OGDHL: variants seen among roughly 807,000 people sequenced by gnomAD.
The protein encoded by OGDHL is 2-oxoglutarate dehydrogenase-like, mitochondrial.
OGDHL carries 79 observed loss-of-function variants against 109.6 expected under a neutral mutation model. That is an observed-to-expected ratio of 0.72 (90% CI 0.60 to 0.87). The LOEUF is 0.87. Among genes scored for constraint, OGDHL ranks in the 40% least tolerant of loss-of-function variants. The probability of loss-of-function intolerance (pLI) is 0.00; values close to 1 mark genes in which losing one functional copy is unlikely to be tolerated. For missense variants in OGDHL, 1,275 were observed against 1,362.2 expected (o/e 0.94, Z 1.01); for synonymous variants, 528 against 537.2 (o/e 0.98, Z 0.24).
At chr10:49,753,485 G>GACATAATA (rs1233235463) in intron 3 of OGDHL, among the ~76,000 whole-genome samples, 1 of 152,164 alleles carries the variant, frequency 6.6e-6, no homozygotes, top group Non-Finnish European at 1.5e-5. Context: ...CCACTTAGTG[G>GACATAATA]CATAAATACA....
chr10:49,749,949 C>A, intron 7 of OGDHL, 133 bp from the exon 8 acceptor site: 1 of 685,224 alleles, frequency 1.5e-6, no homozygotes, highest in Non-Finnish European at 2.5e-6. Context: ...CACCCAATCA[C>A]CAGGCACCAT....
chr10:49,744,784 C>T (rs758187489), intron 12 of OGDHL, 32 bp from the exon 13 acceptor site: 2 of 1,579,196 alleles, frequency 1.3e-6, no homozygotes, highest in East Asian at 4.5e-5. Flanking sequence ...GGACAGAGCA[C>T]CAAAGCCCTG....
At chr10:49,742,155 TCA>T (rs1208615648) in intron 15 of OGDHL, among the ~76,000 whole-genome samples, 32 of 98,436 alleles carry the variant, frequency 3.3e-4, no homozygotes, top group South Asian at 1.1e-3. Context: ...TACACACACA[TCA>T]CACACACCAT....
intron 15 of OGDHL, among the ~76,000 whole-genome samples, chr10:49,741,738 CAT>C: frequency 6.8e-6 from 1 of 147,190 alleles, no homozygotes; most frequent in East Asian, 2.0e-4. Flanking sequence ...CACACACATA[CAT>C]ACACACACCA....
Position 49,750,843 on chromosome 10 carries a change from G to T in OGDHL, c.892C>A (p.His298Asn). The T allele has an allele frequency of 1.2e-6, 2 of 1,609,636 alleles. No homozygotes were observed. Among genetic ancestry groups the T allele is most frequent in the Non-Finnish European group, 1.7e-6 (2 of 1,177,858 alleles). Residue 298 changes from histidine to asparagine, a missense_variant, in exon 7 of 23, where the codon CAC (histidine) becomes AAC (asparagine). By Grantham distance (68) the His-to-Asn change is moderately conservative. Coordinates refer to ENST00000374103, the MANE Select transcript of OGDHL (RefSeq NM_018245.3). ...ACAGCAGGGAGGGGGACCCACCTGTGTGGCATCCCCAAGATGACATTCTCA... is the reference window on the plus strand; with the variant it reads ...ACAGCAGGGAGGGGGACCCACCTGTTTGGCATCCCCAAGATGACATTCTCA... ...GIENVILGMP[H>N]RGRLNVLANV...
chr10:49,758,380 G>T lies in OGDHL; in HGVS notation c.204+9C>A. On this transcript the variant is annotated intron_variant, in intron 2 of 22. Coordinates refer to ENST00000374103, the MANE Select transcript of OGDHL (RefSeq NM_018245.3). ...TTGCGGTGGCCCAGGGTAGGGTGGGGATGCTGACCTTGTGGACACTCTGGG... is the reference window on the plus strand; with the variant it reads ...TTGCGGTGGCCCAGGGTAGGGTGGGTATGCTGACCTTGTGGACACTCTGGG... 1 of 1,602,708 alleles carries T rather than the reference G, an allele frequency of 6.2e-7. No individual in the cohort carries two copies. The highest frequency in any genetic ancestry group is 1.1e-5 in the South Asian group (1 of 89,790).
In OGDHL at chr10:49,739,520, AC is replaced by A. The variant is rs537599014; in HGVS notation, c.2319+140del. ...GCAGCTGCAGCATGCACATGTGCAGACCCCACCCTGCACAGACCCACGTGCT... is the reference window on the plus strand; with the variant it reads ...GCAGCTGCAGCATGCACATGTGCAGACCCACCCTGCACAGACCCACGTGCT... On this transcript the variant is annotated intron_variant, in intron 17 of 22. Coordinates refer to ENST00000374103, the MANE Select transcript of OGDHL (RefSeq NM_018245.3). 8.1e-4 allele frequency: 781 copies of A among 960,420 alleles called. 5 individuals are homozygous for A. Among genetic ancestry groups the A allele is most frequent in the African/African-American group, 3.8e-3 (229 of 60,916 alleles). The allele number at this position is 960,420 out of a possible 1,614,324, so 59.5% of individuals were successfully genotyped here.
chr10:49,753,834 G>A (rs1315084534), intron 3 of OGDHL, among the ~76,000 whole-genome samples: 12 of 149,898 alleles, frequency 8.0e-5, no homozygotes, highest in Admixed American at 1.3e-4. Context: ...AGGCTGCAGT[G>A]AGCTGAGGTC....
At position 49,746,009 on chromosome 10, in the gene OGDHL, T is replaced by C. The variant is rs376311703; in HGVS notation, c.1297-32A>G. On this transcript the variant is annotated intron_variant, in intron 10 of 22. Coordinates refer to ENST00000374103, the MANE Select transcript of OGDHL (RefSeq NM_018245.3). The stretch of plus-strand genomic sequence containing the variant: ...AGGCAGGAGAAACCTGCTGCGCCTC[T>C]CAATTTACTTAGAGTGAGATAGAAG... 129 of 1,607,612 alleles carry C rather than the reference T, an allele frequency of 8.0e-5. No individual in the cohort carries two copies. The Middle Eastern group carries it at 1.3e-3, about 16-fold the overall frequency.
At chr10:49,738,370 G>T in intron 17 of OGDHL, 108 bp from the exon 18 acceptor site, 1 of 1,142,992 alleles carries the variant, frequency 8.7e-7, no homozygotes, top group Non-Finnish European at 1.3e-6. Context: ...TCTCAGCAGA[G>T]GTGCCCTCAC....
intron 3 of OGDHL, among the ~76,000 whole-genome samples, chr10:49,753,888 TAA>T (rs63200161): frequency 0.23 from 19,916 of 86,638 alleles, 1,653 homozygotes; most frequent in African/African-American, 0.33. Context: ...AAACTCCATC[TAA>T]AAAAAAAAAA....
chr10:49,748,572 G>A (rs980884539), intron 8 of OGDHL, among the ~76,000 whole-genome samples: 13 of 152,088 alleles, frequency 8.5e-5, no homozygotes, highest in Non-Finnish European at 1.6e-4. Flanking sequence ...CTTTGGCCAA[G>A]TTTTCCACTA....
chr10:49,747,321 G>A (rs1426580758), intron 8 of OGDHL, 113 bp from the exon 9 acceptor site: 3 of 1,106,456 alleles, frequency 2.7e-6, no homozygotes, highest in East Asian at 5.0e-5. Context: ...CGATCCCACT[G>A]CCTCAGAGGG....
intron 14 of OGDHL, 123 bp from the exon 15 acceptor site, chr10:49,743,101 G>GGGATGCTGCAGGAGGGCCC (rs1564533979): frequency 3.8e-6 from 5 of 1,305,828 alleles, no homozygotes; most frequent in Non-Finnish European, 5.2e-6. Context: ...TTGGAGGGCA[G>GGGATGCTGCAGGAGGGCCC]GGATGCTGCA....
At chr10:49,737,018 C>T (rs1440116588) in intron 20 of OGDHL, among the ~76,000 whole-genome samples, 2 of 152,162 alleles carry the variant, frequency 1.3e-5, no homozygotes, top group African/African-American at 4.8e-5. Flanking sequence ...CCCCAGGTCA[C>T]GCACACTGCA....
At position 49,743,713 on chromosome 10, in the gene OGDHL, C is replaced by A. The variant is rs182804894; in HGVS notation, c.1861+281G>T. 4.2e-4 allele frequency: 120 copies of A among 287,680 alleles called. 1 individual carries two copies. The highest frequency in any genetic ancestry group is 2.5e-3 in the African/African-American group (116 of 46,016). 17.8% of individuals were successfully genotyped at this position (287,680 alleles called of 1,614,324 possible). A position where few individuals can be genotyped will look rare whatever the true frequency, so the allele number is the denominator to read the frequency against. ...TGCTCTTCTGCCTGACCCAGGGACG[C>A]CCCGGCAAAGGCATTTGGAAAATCC... On this transcript the variant is annotated intron_variant, in intron 14 of 22. Coordinates refer to ENST00000374103, the MANE Select transcript of OGDHL (RefSeq NM_018245.3).
At chr10:49,746,160 G>A (rs1842170976) in intron 10 of OGDHL, among the ~76,000 whole-genome samples, 183 bp from the exon 11 acceptor site, 2 of 152,164 alleles carry the variant, frequency 1.3e-5, no homozygotes, top group Non-Finnish European at 2.9e-5. Context: ...CTCCCACGGG[G>A]ACGGCAGCAG....
chr10:49,759,805 C>T (rs1423341837), intron 1 of OGDHL, among the ~76,000 whole-genome samples: 1 of 152,206 alleles, frequency 6.6e-6, no homozygotes, highest in African/African-American at 2.4e-5. Context: ...AGGACCACCC[C>T]ACAAGGGGTC....
rs758432264 is a variant in OGDHL, at chr10:49,745,958, G to A, written c.1316C>T (p.Pro439Leu). 2.5e-6 allele frequency: 4 copies of A among 1,614,128 alleles called. No individual in the cohort carries two copies. The South Asian group carries it at 4.4e-5, about 18-fold the overall frequency. ...GTATGGTGAGGAGCGGGCCATTCGG[G>A]GGTCTGTGGTGAATCCAATCTGCAG... is the stretch of plus-strand genomic sequence containing the variant. ...VNNQIGFTTD[P>L]RMARSSPYPT... Residue 439 changes from proline to leucine, a missense_variant, in exon 11 of 23, where the codon CCC (proline) becomes CTC (leucine). Transcript: ENST00000374103.
Sources: allele counts gnomAD v4.1 joint callset (sites outside exome capture counted in the v4.1 genomes callset), GRCh38; gene constraint gnomAD v4.1.1; transcripts MANE v1.5; gene names NCBI Gene and HGNC (gene_info 2026-07-23, HGNC 2026-07-21).